The following ATP8B4 variants were observed in gnomAD, a reference collection of about 807,000 sequenced individuals.
The protein encoded by ATP8B4 is ATPase phospholipid transporting 8B4 (putative), also known as probable phospholipid-transporting ATPase IM.
A neutral mutation model predicts 145.6 loss-of-function variants in ATP8B4; 133 were observed. That is an observed-to-expected ratio of 0.91 (90% CI 0.79 to 1.05). ATP8B4 has a LOEUF of 1.05. Among genes scored for constraint, ATP8B4 ranks in the 50% least tolerant of loss-of-function variants. The pLI is 0.00. For missense variants in ATP8B4, 1,458 were observed against 1,425.2 expected, an observed-to-expected ratio of 1.02 and a Z score of -0.37; for synonymous variants, 507 against 492.9, an observed-to-expected ratio of 1.03 and a Z score of -0.38.
In ATP8B4 at chr15:49,929,670, T is replaced by C. The variant is rs183190449; in HGVS notation, c.1642+1449A>G. 1.1e-3 allele frequency among the ~76,000 whole-genome samples: 160 copies of C among 151,886 alleles called. 1 individual carries two copies. The highest frequency in any genetic ancestry group is 3.8e-3 in the African/African-American group (156 of 41,436). ...AGGACATCAATATTGAAGAATGGGA[T>C]GAAGGAGAATAGTCAGCAAAGGAGC... On this transcript the variant is annotated intron_variant, in intron 16 of 27. Transcript: ENST00000284509.
chr15:49,891,572 C>T (rs2036806005), intron 23 of ATP8B4, among the ~76,000 whole-genome samples: 1 of 152,138 alleles, frequency 6.6e-6, no homozygotes, highest in Non-Finnish European at 1.5e-5. Flanking sequence ...GCGATCTGCC[C>T]ACCTTGGCCT....
At chr15:50,078,060 G>T (rs538603531) in intron 2 of ATP8B4, among the ~76,000 whole-genome samples, 1 of 152,192 alleles carries the variant, frequency 6.6e-6, no homozygotes, top group African/African-American at 2.4e-5. Flanking sequence ...AAAAAAGAGG[G>T]ATCCAACAGG....
At chr15:50,135,775 G>A (rs1310725306) in intron 1 of ATP8B4, among the ~76,000 whole-genome samples, 1 of 152,156 alleles carries the variant, frequency 6.6e-6, no homozygotes, top group Admixed American at 6.5e-5. Context: ...ACCATAAAGA[G>A]AAATGTCCTA....
intron 5 of ATP8B4, among the ~76,000 whole-genome samples, chr15:50,041,932 T>A (rs1395631088): frequency 6.6e-6 from 1 of 151,484 alleles, no homozygotes; most frequent in Non-Finnish European, 1.5e-5. Context: ...AGAGCAAAAC[T>A]CCGTCTCAAA....
rs781480567 is a variant in ATP8B4 at position 49,876,341 on chromosome 15, AAT to A, written c.2962_2963del (p.Ile988CysfsTer2). The A allele has an allele frequency of 1.2e-6, 2 of 1,614,144 alleles. No individual in the cohort carries two copies. Among genetic ancestry groups the A allele is most frequent in the African/African-American group, 2.7e-5 (2 of 75,072 alleles). ...YNVAGEDGQH[I>X]ADYQSFAVTM... The stretch of plus-strand genomic sequence containing the variant: ...TAACTGCAAAGGACTGGTAGTCAGC[AAT>A]ATGTTGCCCATCTTCTCCAGCCACG... On this transcript the variant is annotated frameshift_variant, in exon 25 of 28. Coordinates refer to ENST00000284509, the MANE Select transcript of ATP8B4 (RefSeq NM_024837.4). LOFTEE classifies it high-confidence loss of function.
At chr15:49,981,531 T>C (rs1233123678) in intron 10 of ATP8B4, among the ~76,000 whole-genome samples, 2 of 152,134 alleles carry the variant, frequency 1.3e-5, no homozygotes, top group African/African-American at 4.8e-5. Flanking sequence ...TCAGAACTTG[T>C]AGTTGAAAGG....
At chr15:50,078,464 G>A (rs541890515) in intron 2 of ATP8B4, among the ~76,000 whole-genome samples, 1 of 151,998 alleles carries the variant, frequency 6.6e-6, no homozygotes, top group Non-Finnish European at 1.5e-5. Context: ...GGACACACTG[G>A]AGAGTAGAAT....
At position 49,955,006 on chromosome 15, in the gene ATP8B4, C is replaced by A. The variant is rs563569617; in HGVS notation, c.1287+6971G>T. On this transcript the variant is annotated intron_variant, in intron 14 of 27. Transcript: ENST00000284509. ...TACTATGCAGCCATTAAAAAATGAA[C>A]AAAATTATATTCTTTGCAGCTACAC... Among the ~76,000 whole-genome samples the A allele has an allele frequency of 3.9e-5, 6 of 152,230 alleles. No homozygotes were observed. The South Asian group carries it at 1.2e-3, about 32-fold the overall frequency.
intron 14 of ATP8B4, among the ~76,000 whole-genome samples, chr15:49,954,692 G>A (rs954328104): frequency 1.1e-4 from 16 of 152,170 alleles, no homozygotes; most frequent in African/African-American, 3.9e-4. Context: ...TGGTGAGGCT[G>A]CGGAGAAAAG....
At chr15:50,011,962 G>A (rs2048750922) in intron 6 of ATP8B4, among the ~76,000 whole-genome samples, 1 of 152,104 alleles carries the variant, frequency 6.6e-6, no homozygotes, top group Non-Finnish European at 1.5e-5. Context: ...ATTCGACTGT[G>A]AAATATGCCT....
At chr15:50,112,414 A>C (rs2056990134) in intron 1 of ATP8B4, among the ~76,000 whole-genome samples, 1 of 151,986 alleles carries the variant, frequency 6.6e-6, no homozygotes, top group Non-Finnish European at 1.5e-5. Flanking sequence ...AGTTCTCTGA[A>C]GACTCAGGAA....
At chr15:50,159,186 G>C (rs1481631703) in intron 1 of ATP8B4, among the ~76,000 whole-genome samples, 1 of 151,910 alleles carries the variant, frequency 6.6e-6, no homozygotes, top group African/African-American at 2.4e-5. Context: ...TTGTATCAAT[G>C]TTTTATAGTT....
At chr15:50,158,237 C>G (rs1391810754) in intron 1 of ATP8B4, among the ~76,000 whole-genome samples, 2 of 151,384 alleles carry the variant, frequency 1.3e-5, no homozygotes, top group African/African-American at 4.9e-5. Context: ...TGTGAGGAGC[C>G]CCTCTGCCCG....
intron 1 of ATP8B4, among the ~76,000 whole-genome samples, chr15:50,127,853 G>A (rs1208980790): frequency 2.0e-5 from 3 of 152,178 alleles, no homozygotes; most frequent in African/African-American, 7.2e-5. Context: ...TGTCTTTGAA[G>A]AAATATTAAT....
chr15:50,164,813 G>C (rs756136348), intron 1 of ATP8B4, among the ~76,000 whole-genome samples: 2 of 152,200 alleles, frequency 1.3e-5, no homozygotes, highest in Non-Finnish European at 2.9e-5. Flanking sequence ...GCTATGGCTG[G>C]TCTTAACACT....
intron 1 of ATP8B4, among the ~76,000 whole-genome samples, chr15:50,159,468 G>T (rs957970224): frequency 6.6e-6 from 1 of 152,084 alleles, no homozygotes; most frequent in Non-Finnish European, 1.5e-5. Context: ...TTCCTAATTT[G>T]AATGTCCTTT....
chr15:50,004,195 C>A (rs2048131047), intron 7 of ATP8B4, among the ~76,000 whole-genome samples: 1 of 152,170 alleles, frequency 6.6e-6, no homozygotes, highest in African/African-American at 2.4e-5. Flanking sequence ...TAACCTCGTC[C>A]TTCAAGGCGT....
chr15:50,124,874 A>G (rs192063190), intron 1 of ATP8B4, among the ~76,000 whole-genome samples: 2 of 152,346 alleles, frequency 1.3e-5, no homozygotes, highest in African/African-American at 2.4e-5. Context: ...GCTTTAAACC[A>G]GACAGCCTAA....
At chr15:50,146,159 T>G (rs999741713) in intron 1 of ATP8B4, among the ~76,000 whole-genome samples, 1 of 152,020 alleles carries the variant, frequency 6.6e-6, no homozygotes. Flanking sequence ...ATTACAGGCG[T>G]CTGCCACCGT....
Sources: allele counts gnomAD v4.1 joint callset (sites outside exome capture counted in the v4.1 genomes callset), GRCh38; gene constraint gnomAD v4.1.1; transcripts MANE v1.5; gene names NCBI Gene and HGNC (gene_info 2026-07-23, HGNC 2026-07-21).